The following ACOX3 variants were observed in gnomAD, a reference collection of about 807,000 sequenced individuals.
ACOX3 encodes acyl-CoA oxidase 3, pristanoyl, also known as peroxisomal acyl-coenzyme A oxidase 3.
ACOX3 carries 73 observed loss-of-function variants against 81.5 expected under a neutral mutation model. The observed-to-expected ratio is 0.90, with a 90% CI of 0.74 to 1.09. The LOEUF (loss-of-function observed/expected upper bound fraction) is 1.09. ACOX3 is among the 50% of genes least tolerant of loss of function. The pLI is 0.00. For synonymous variants in ACOX3, 387 were observed against 375.1 expected, an observed-to-expected ratio of 1.03 and a Z score of -0.37; for missense variants, 947 against 928.0, an observed-to-expected ratio of 1.02 and a Z score of -0.27.
At position 8,407,981 on chromosome 4, in the gene ACOX3, C is replaced by T. The variant is rs1721197430; in HGVS notation, c.688-1938G>A. On this transcript the variant is annotated intron_variant, in intron 6 of 17. Coordinates refer to ENST00000356406, the MANE Select transcript of ACOX3 (RefSeq NM_003501.3). The surrounding 1 kb of genome is among the most constrained non-coding windows in gnomAD (Gnocchi z 4.6). The stretch of plus-strand genomic sequence containing the variant: ...CAGAAGTGCTCAGCCCAGCCCTGGG[C>T]ATACAGGGCGCCCCAGTGAGTACTA... Among the ~76,000 whole-genome samples, 1 of 152,208 alleles carries T rather than the reference C, an allele frequency of 6.6e-6. No homozygotes were observed. The highest frequency in any genetic ancestry group is 1.5e-5 in the Non-Finnish European group (1 of 68,040).
chr4:8,440,575 A>G (rs1398309234), intron 1 of ACOX3, 73 bp downstream of exon 1: 9 of 455,160 alleles, frequency 2.0e-5, no homozygotes, highest in Non-Finnish European at 3.0e-5. Flanking sequence ...TGGCTGGCTG[A>G]TGTTTGATTC....
At chr4:8,425,201 G>C (rs1175975368) in intron 1 of ACOX3, among the ~76,000 whole-genome samples, 2 of 152,114 alleles carry the variant, frequency 1.3e-5, no homozygotes, top group Non-Finnish European at 2.9e-5. Flanking sequence ...GGAAAGGAAA[G>C]AGAAATAGAA....
chr4:8,422,543 C>T (rs1578988378), intron 1 of ACOX3, among the ~76,000 whole-genome samples: 2 of 152,302 alleles, frequency 1.3e-5, no homozygotes, highest in South Asian at 4.1e-4. Flanking sequence ...GGCCCTCAGG[C>T]AAGCAGAAGT....
rs1723966802 is a variant in ACOX3, at chr4:8,431,757, C to T, written c.-15+8891G>A. On this transcript the variant is annotated intron_variant, in intron 1 of 17. Coordinates refer to ENST00000356406, the MANE Select transcript of ACOX3 (RefSeq NM_003501.3). This position sits in a 1 kb window ranked among gnomAD's most constrained non-coding sequence, Gnocchi z 5.3. ...CACTGCCATAGGGCCTCACCCACCC[C>T]CTCTCTTGTTTATCTTGACTTCTGT... Among the ~76,000 whole-genome samples the T allele has an allele frequency of 6.6e-6, 1 of 152,208 alleles. No homozygotes were observed. The highest frequency in any genetic ancestry group is 2.4e-5 in the African/African-American group (1 of 41,456).
At chr4:8,392,183 G>A in intron 11 of ACOX3, 150 bp downstream of exon 11, 1 of 983,246 alleles carries the variant, frequency 1.0e-6, no homozygotes, top group Non-Finnish European at 1.4e-6. Flanking sequence ...AATGAACGGG[G>A]GTGGCTGGCT....
At chr4:8,364,665 C>T (rs140850789), downstream of ACOX3, among the ~76,000 whole-genome samples, 5 of 152,360 alleles carry the variant, frequency 3.3e-5, no homozygotes, top group East Asian at 1.9e-4. The surrounding 1 kb of genome is among the most constrained non-coding windows in gnomAD (Gnocchi z 5.0). Flanking sequence ...CATGAGAACC[C>T]GTCATATATG....
At chr4:8,402,049 C>G (rs868736178) in intron 7 of ACOX3, among the ~76,000 whole-genome samples, 1 of 152,170 alleles carries the variant, frequency 6.6e-6, no homozygotes, top group South Asian at 2.1e-4. Context: ...GGGACGGGCA[C>G]GTAAGTGGCA....
At chr4:8,356,514 T>C in the ACOX3 span, 2 of 449,704 alleles carry the variant, frequency 4.4e-6, no homozygotes, top group Middle Eastern at 3.3e-4. Flanking sequence ...GCCATCACTT[T>C]AAGTGGAAAA....
At chr4:8,364,776 C>A (rs189592666), downstream of ACOX3, among the ~76,000 whole-genome samples, 1 of 152,144 alleles carries the variant, frequency 6.6e-6, no homozygotes, top group African/African-American at 2.4e-5. This position sits in a 1 kb window ranked among gnomAD's most constrained non-coding sequence, Gnocchi z 5.0. Flanking sequence ...AGTTTCAGAC[C>A]AAAGGCTGGA....
chr4:8,408,148 T>G (rs554311410), intron 6 of ACOX3, among the ~76,000 whole-genome samples: 2 of 151,616 alleles, frequency 1.3e-5, no homozygotes, highest in East Asian at 3.9e-4. Context: ...CTAACTTCAC[T>G]GAACTTTAAA....
At chr4:8,367,166 C>G in intron 17 of ACOX3, 86 bp from the exon 18 acceptor site, 1 of 1,533,336 alleles carries the variant, frequency 6.5e-7, no homozygotes, top group Non-Finnish European at 8.9e-7. Flanking sequence ...AATGCAACTC[C>G]TCAAAGTTTT....
chr4:8,426,794 A>G (rs992796253), intron 1 of ACOX3, among the ~76,000 whole-genome samples: 1 of 152,076 alleles, frequency 6.6e-6, no homozygotes, highest in African/African-American at 2.4e-5. Flanking sequence ...GAAACTACAA[A>G]TGTTCTTCAA....
intron 11 of ACOX3, among the ~76,000 whole-genome samples, chr4:8,390,913 G>A (rs1278602150): frequency 6.6e-6 from 1 of 152,188 alleles, no homozygotes; most frequent in Non-Finnish European, 1.5e-5. Flanking sequence ...CACTGAACAA[G>A]AGCTGGGAGA....
intron 15 of ACOX3, chr4:8,373,875 G>A: frequency 1.8e-6 from 1 of 566,298 alleles, no homozygotes; most frequent in Middle Eastern, 4.7e-4. Context: ...AGGGAGGCAA[G>A]GTCCCAGGCT....
intron 1 of ACOX3, among the ~76,000 whole-genome samples, chr4:8,417,477 CA>C (rs1486513747): frequency 4.0e-5 from 6 of 151,804 alleles, no homozygotes; most frequent in African/African-American, 1.5e-4. Flanking sequence ...AGCTGTGAGC[CA>C]AGTACTACTG....
rs993295064 is a variant in ACOX3 at position 8,381,893 on chromosome 4, G to A, written c.1538-286C>T. On this transcript the variant is annotated intron_variant, in intron 13 of 17. Coordinates refer to ENST00000356406, the MANE Select transcript of ACOX3 (RefSeq NM_003501.3). The surrounding 1 kb of genome is among the most constrained non-coding windows in gnomAD (Gnocchi z 4.3). ...CTGGAGGCCACAGGAACACGGTGCC[G>A]CCGCTAGAGTGGGCCCCCGAGTGGG... 2.6e-5 allele frequency among the ~76,000 whole-genome samples: 4 copies of A among 152,254 alleles called. No homozygotes were observed. Among genetic ancestry groups the A allele is most frequent in the African/African-American group, 9.6e-5 (4 of 41,476 alleles).
downstream of ACOX3, among the ~76,000 whole-genome samples, chr4:8,363,734 G>A (rs1186541047): frequency 6.6e-6 from 1 of 152,142 alleles, no homozygotes; most frequent in African/African-American, 2.4e-5. Context: ...AGACCTTGCT[G>A]ATAAAATGGG....
downstream of ACOX3, among the ~76,000 whole-genome samples, chr4:8,365,753 G>A (rs1715374722): frequency 1.1e-5 from 1 of 94,268 alleles, no homozygotes; most frequent in Non-Finnish European, 2.3e-5. Context: ...GGATGTGGTG[G>A]GGGGGTGGTG....
rs1289680827 is a variant in ACOX3, at chr4:8,400,123, T to C, written c.777-471A>G. On this transcript the variant is annotated intron_variant, in intron 7 of 17. Transcript: ENST00000356406. The surrounding 1 kb of genome is among the most constrained non-coding windows in gnomAD (Gnocchi z 4.4). Reference sequence around the variant, plus strand: ...AAAATTAGCCAGGAGTGGTGGCATGTGCCTGTAGTCCCAGCTACTCAGGAG... The same window carrying C: ...AAAATTAGCCAGGAGTGGTGGCATGCGCCTGTAGTCCCAGCTACTCAGGAG... 6.6e-6 allele frequency among the ~76,000 whole-genome samples: 1 copy of C among 151,950 alleles called. No homozygotes were observed. The highest frequency in any genetic ancestry group is 2.4e-5 in the African/African-American group (1 of 41,372).
Sources: allele counts gnomAD v4.1 joint callset (sites outside exome capture counted in the v4.1 genomes callset), GRCh38; gene constraint gnomAD v4.1.1; non-coding constraint Gnocchi (gnomAD v3.1); transcripts MANE v1.5; gene names NCBI Gene and HGNC (gene_info 2026-07-23, HGNC 2026-07-21).